ATG4D: variants seen among roughly 807,000 people sequenced by gnomAD.
ATG4D encodes the protein cysteine protease ATG4D.
A neutral mutation model predicts 55.2 loss-of-function variants in ATG4D; 51 were observed. That is an observed-to-expected ratio of 0.92 (90% CI 0.74 to 1.17). ATG4D has a LOEUF of 1.17. Among genes scored for constraint, ATG4D ranks in the 50% most tolerant of loss-of-function variants. The pLI is 0.00. For missense variants in ATG4D, 635 were observed against 649.6 expected (o/e 0.98, Z 0.25); for synonymous variants, 268 against 266.2 (o/e 1.01, Z -0.07).
chr19:10,551,851 T>C, intron 6 of ATG4D, 46 bp from the exon 7 acceptor site: 1 of 1,597,578 alleles, frequency 6.3e-7, no homozygotes, highest in Non-Finnish European at 8.6e-7. Context: ...GCCAAGCGTT[T>C]GTTGAGTGGC....
rs1191260632 is a variant in ATG4D at position 10,553,239 on chromosome 19, A to G, written c.*172A>G. The G allele has an allele frequency of 1.8e-4, 151 of 840,490 alleles. No homozygotes were observed. The highest frequency in any genetic ancestry group is 3.9e-5 in the Non-Finnish European group (22 of 570,974). The allele number at this position is 840,490 out of a possible 1,614,324, so 52.1% of individuals were successfully genotyped here. On this transcript the variant is annotated 3_prime_UTR_variant, in exon 10 of 10. Coordinates refer to ENST00000309469, the MANE Select transcript of ATG4D (RefSeq NM_032885.6). ...GCCAGGGACAGAGCCCACAGAGCCC[A>G]TACACCTGTCTCCCACCAGCGGGGC...
rs571613598 is a variant in ATG4D, at chr19:10,543,956, G to A, written c.-135G>A. The stretch of plus-strand genomic sequence containing the variant: ...TGCGGTAGCAGCGGCGGCGGCTGTT[G>A]CCTGGCCCGGTACCCTGGGGACGGG... On this transcript the variant is annotated 5_prime_UTR_variant, in exon 1 of 10. Coordinates refer to ENST00000309469, the MANE Select transcript of ATG4D (RefSeq NM_032885.6). 5.9e-6 allele frequency: 3 copies of A among 507,992 alleles called. No homozygotes were observed. Among genetic ancestry groups the A allele is most frequent in the Non-Finnish European group, 6.0e-6 (2 of 331,986 alleles). The allele number at this position is 507,992 out of a possible 1,614,324, so 31.5% of individuals were successfully genotyped here. A position where few individuals can be genotyped will look rare whatever the true frequency, so the allele number is the denominator to read the frequency against.
intron 6 of ATG4D, among the ~76,000 whole-genome samples, 163 bp downstream of exon 6, chr19:10,549,197 C>T (rs1248982328): frequency 2.0e-5 from 3 of 151,874 alleles, no homozygotes; most frequent in South Asian, 2.1e-4. Context: ...GATCTCGGCT[C>T]GCTGCAACCT....
chr19:10,552,300 G>A lies in ATG4D; in HGVS notation c.1218G>A (p.Glu406=). 6.2e-7 allele frequency: 1 copy of A among 1,613,250 alleles called. No individual in the cohort carries two copies. Among genetic ancestry groups the A allele is most frequent in the South Asian group, 1.1e-5 (1 of 91,080 alleles). Residue 406 remains glutamate (E), a synonymous_variant, in exon 9 of 10, where the codon GAG becomes GAA. Coordinates refer to ENST00000309469, the MANE Select transcript of ATG4D (RefSeq NM_032885.6). ...GFYAGDRKEF[E]TLCSELTRVL... ...ATGCTGGAGACAGGAAGGAGTTTGA[G>A]ACACTCTGCTCAGAGCTGACCAGGG...
intron 9 of ATG4D, 123 bp downstream of exon 9, chr19:10,552,447 C>T: frequency 7.6e-7 from 1 of 1,311,514 alleles, no homozygotes; most frequent in Non-Finnish European, 1.0e-6. Context: ...GGGGTCCTAA[C>T]CTGGGAAATG....
intron 1 of ATG4D, among the ~76,000 whole-genome samples, chr19:10,544,557 C>T (rs1346031542): frequency 6.6e-6 from 1 of 152,174 alleles, no homozygotes; most frequent in South Asian, 2.1e-4. Flanking sequence ...GTTTTTGCCC[C>T]TCTCTGTAAA....
At chr19:10,551,154 C>T (rs1916211272) in intron 6 of ATG4D, 1 of 152,222 alleles carries the variant, frequency 6.6e-6, no homozygotes, top group South Asian at 2.1e-4. Context: ...ATATAGTTAT[C>T]ACCTCTAACA....
rs867423561 is a variant in ATG4D at position 10,549,046 on chromosome 19, T to C, written c.966+12T>C. On this transcript the variant is annotated intron_variant, in intron 6 of 9. Coordinates refer to ENST00000309469, the MANE Select transcript of ATG4D (RefSeq NM_032885.6). ...TGCCCTGCGTGAAGGTAGGTTCAGC[T>C]GAATTCTAGGACACCTCCACCTGGG... 45 of 1,613,816 alleles carry C rather than the reference T, an allele frequency of 2.8e-5. No individual in the cohort carries two copies. In the Middle Eastern group the frequency reaches 1.5e-3, roughly 53 times the overall value.
rs1340428483 is a variant in ATG4D at position 10,553,124 on chromosome 19, C to T, written c.*57C>T. ...ATTTATTTTTTTATTTATGTCATGT[C>T]GGGTGTGGGATCTTGAGCTCTGGCA... On this transcript the variant is annotated 3_prime_UTR_variant, in exon 10 of 10. Coordinates refer to ENST00000309469, the MANE Select transcript of ATG4D (RefSeq NM_032885.6). 6 of 1,504,276 alleles carry T rather than the reference C, an allele frequency of 4.0e-6. No homozygotes were observed. Among genetic ancestry groups the T allele is most frequent in the Admixed American group, 2.1e-5 (1 of 47,950 alleles). The allele number at this position is 1,504,276 out of a possible 1,614,324, so 93.2% of individuals were successfully genotyped here. A position where few individuals can be genotyped will look rare whatever the true frequency, so the allele number is the denominator to read the frequency against.
Position 10,544,864 on chromosome 19 carries a change from A to G in ATG4D, c.317A>G (p.Glu106Gly). 6.2e-7 allele frequency: 1 copy of G among 1,609,210 alleles called. No individual in the cohort carries two copies. The highest frequency in any genetic ancestry group is 2.2e-5 in the East Asian group (1 of 44,840). The part of the protein sequence containing the change: ...LCGRRYRFEG[E>G]GDIQRFQRDF... Reference sequence around the variant, plus strand: ...GGCCGCCGCTACCGTTTCGAGGGCGAGGGTGAGCTGGTGGTTGGGACCAGG... The same window carrying G: ...GGCCGCCGCTACCGTTTCGAGGGCGGGGGTGAGCTGGTGGTTGGGACCAGG... Residue 106 changes from glutamate to glycine, a missense_variant and splice_region_variant, in exon 2 of 10, where the codon GAG becomes GGG. Transcript: ENST00000309469.
At chr19:10,549,628 G>T (rs976424302) in intron 6 of ATG4D, among the ~76,000 whole-genome samples, 1 of 150,306 alleles carries the variant, frequency 6.7e-6, no homozygotes, top group Non-Finnish European at 1.5e-5. Flanking sequence ...ATGTTGGCCA[G>T]GCTGGTTCTC....
At chr19:10,551,050 A>T (rs1213916237) in intron 6 of ATG4D, 1 of 152,140 alleles carries the variant, frequency 6.6e-6, no homozygotes, top group Non-Finnish European at 1.5e-5. Flanking sequence ...TTCCAGTGAG[A>T]ACCAGAAAAC....
chr19:10,552,710 G>C (rs1054409781), intron 9 of ATG4D, among the ~76,000 whole-genome samples, 175 bp from the exon 10 acceptor site: 3 of 152,230 alleles, frequency 2.0e-5, no homozygotes, highest in Non-Finnish European at 4.4e-5. Flanking sequence ...GTCTTTGGCT[G>C]AGCTGGGTCA....
intron 6 of ATG4D, among the ~76,000 whole-genome samples, chr19:10,551,392 A>G (rs10411361): frequency 0.4 from 59,610 of 149,038 alleles, 12,601 homozygotes; most frequent in Non-Finnish European, 0.48. Flanking sequence ...AACCCAGGAG[A>G]TGGAGGTTTC....
intron 6 of ATG4D, among the ~76,000 whole-genome samples, chr19:10,550,045 T>A (rs1916172727): frequency 6.6e-6 from 1 of 152,090 alleles, no homozygotes; most frequent in Non-Finnish European, 1.5e-5. Context: ...TCTCACTCTC[T>A]TGCCCACGCT....
chr19:10,550,252 C>T (rs1916179194), intron 6 of ATG4D, among the ~76,000 whole-genome samples: 1 of 152,136 alleles, frequency 6.6e-6, no homozygotes, highest in Non-Finnish European at 1.5e-5. Context: ...AGGTGATCCA[C>T]CCACCTCGGT....
chr19:10,551,716 A>AC (rs1916242940), intron 6 of ATG4D, among the ~76,000 whole-genome samples, 181 bp from the exon 7 acceptor site: 1 of 151,732 alleles, frequency 6.6e-6, no homozygotes, highest in South Asian at 2.1e-4. Flanking sequence ...AAAAAAAAAA[A>AC]AAATTCATGT....
rs1916129733 is a variant in ATG4D, at chr19:10,548,823, G to A, written c.836-81G>A. On this transcript the variant is annotated intron_variant, in intron 5 of 9. Transcript: ENST00000309469. The stretch of plus-strand genomic sequence containing the variant: ...CCCTCTGAGAAATTGCACGGTTGAG[G>A]TTGAGCCCCTGGGGTTAGAGGGCTA... The A allele has an allele frequency of 3.2e-6, 5 of 1,548,514 alleles. No homozygotes were observed. The East Asian group carries it at 9.2e-5, about 28-fold the overall frequency.
Position 10,553,125 on chromosome 19 carries a change from G to A in ATG4D, c.*58G>A, listed in dbSNP as rs138151466. 47 of 1,502,406 alleles carry A rather than the reference G, an allele frequency of 3.1e-5. No individual in the cohort carries two copies. The highest frequency in any genetic ancestry group is 1.3e-4 in the South Asian group (10 of 79,162). 93.1% of individuals were successfully genotyped at this position (1,502,406 alleles called of 1,614,324 possible). ...TTTATTTTTTTATTTATGTCATGTC[G>A]GGTGTGGGATCTTGAGCTCTGGCAG... On this transcript the variant is annotated 3_prime_UTR_variant, in exon 10 of 10. Transcript: ENST00000309469.
Sources: allele counts gnomAD v4.1 joint callset (sites outside exome capture counted in the v4.1 genomes callset), GRCh38; gene constraint gnomAD v4.1.1; transcripts MANE v1.5; gene names NCBI Gene and HGNC (gene_info 2026-07-23, HGNC 2026-07-21).